TRMT1L: variants seen among roughly 807,000 people sequenced by gnomAD.
The protein encoded by TRMT1L is tRNA (guanine(27)-N(2))-dimethyltransferase.
TRMT1L carries 28 observed loss-of-function variants against 81.6 expected under a neutral mutation model. The ratio of observed to expected loss-of-function variants is 0.34; its 90% CI spans 0.25 to 0.47. TRMT1L has a LOEUF of 0.47. Among genes scored for constraint, TRMT1L ranks in the 20% least tolerant of loss-of-function variants. The probability of loss-of-function intolerance (pLI) is 1.00; values close to 1 mark genes in which losing one functional copy is unlikely to be tolerated. For synonymous variants in TRMT1L, 301 were observed against 303.2 expected (o/e 0.99, Z 0.07); for missense variants, 739 against 877.1 (o/e 0.84, Z 1.99).
intron 11 of TRMT1L, among the ~76,000 whole-genome samples, chr1:185,126,890 G>T (rs976746355): frequency 2.9e-4 from 44 of 152,128 alleles, no homozygotes; most frequent in African/African-American, 1.0e-3. Flanking sequence ...CCAGCTACTC[G>T]GGAGGCTGAG....
Position 185,134,546 on chromosome 1 carries a change from T to C in TRMT1L, c.1513+3060A>G, listed in dbSNP as rs77647456. Among the ~76,000 whole-genome samples the C allele has an allele frequency of 5.7e-3, 875 of 152,360 alleles. 3 individuals are homozygous for C. The highest frequency in any genetic ancestry group is 0.013 in the South Asian group (61 of 4,830). ...AAAAATTCTGAATGAGATGACTTCT[T>C]TGTAGGACATACTTGTTTATTCTAA... On this transcript the variant is annotated intron_variant, in intron 10 of 14. Transcript: ENST00000367506.
In TRMT1L at chr1:185,137,816, G is replaced by A. The variant is rs1213336430; in HGVS notation, c.1323-20C>T. 1.2e-6 allele frequency: 2 copies of A among 1,609,424 alleles called. No homozygotes were observed. Among genetic ancestry groups the A allele is most frequent in the East Asian group, 4.5e-5 (2 of 44,790 alleles). On this transcript the variant is annotated intron_variant, in intron 9 of 14. Transcript: ENST00000367506. ...GCAGCTCTACAATAAATTTTTTCAAGTTATTTTGTGGGCTTATCATTTTCC... is the reference window on the plus strand; with the variant it reads ...GCAGCTCTACAATAAATTTTTTCAAATTATTTTGTGGGCTTATCATTTTCC...
intron 1 of TRMT1L, among the ~76,000 whole-genome samples, chr1:185,155,561 A>G (rs911604214): frequency 3.9e-5 from 6 of 152,224 alleles, no homozygotes; most frequent in Non-Finnish European, 7.3e-5. Flanking sequence ...ATTAAACTCA[A>G]AACTGGCCTA....
intron 1 of TRMT1L, among the ~76,000 whole-genome samples, chr1:185,153,340 G>A (rs185356163): frequency 1.3e-5 from 2 of 152,284 alleles, no homozygotes; most frequent in East Asian, 3.9e-4. Flanking sequence ...TGGTAGTGAG[G>A]TATGAGAGAT....
At chr1:185,153,161 A>C (rs1487789118) in intron 1 of TRMT1L, among the ~76,000 whole-genome samples, 2 of 152,194 alleles carry the variant, frequency 1.3e-5, no homozygotes, top group Admixed American at 1.3e-4. Flanking sequence ...TTGTCCCACT[A>C]ATGCATTTTC....
At chr1:185,144,437 A>G (rs2102250624) in intron 5 of TRMT1L, among the ~76,000 whole-genome samples, 1 of 152,132 alleles carries the variant, frequency 6.6e-6, no homozygotes, top group East Asian at 1.9e-4. Flanking sequence ...TTGTTAGAAA[A>G]TGAGTAACTC....
chr1:185,156,670 C>A lies in TRMT1L; in HGVS notation c.43G>T (p.Glu15Ter). Residue 15 changes from glutamate (E) to a stop codon, truncating the protein, a stop_gained, in exon 1 of 15, where the codon GAG (glutamate) becomes TAG (stop). Coordinates refer to ENST00000367506, the MANE Select transcript of TRMT1L (RefSeq NM_030934.5). LOFTEE classifies it high-confidence loss of function. Reference protein sequence around the residue: ...AEEELLPLEKEEVEVAQVQVP... With the variant: ...AEEELLPLEK ...TGGACCTGGGCCACCTCCACCTCCT[C>A]CTTCTCCAGGGGCAGCAGCTCCTCC... is the stretch of plus-strand genomic sequence containing the variant. 1 of 1,612,178 alleles carries A rather than the reference C, an allele frequency of 6.2e-7. No homozygotes were observed. Among genetic ancestry groups the A allele is most frequent in the Non-Finnish European group, 8.5e-7 (1 of 1,179,594 alleles).
rs1422469209 is a variant in TRMT1L at position 185,119,058 on chromosome 1, A to G, written c.*961T>C. 1 of 151,848 alleles carries G rather than the reference A, an allele frequency of 6.6e-6. No individual in the cohort carries two copies. Among genetic ancestry groups the G allele is most frequent in the African/African-American group, 2.4e-5 (1 of 41,386 alleles). The allele number at this position is 151,848 out of a possible 1,614,324, so 9.4% of individuals were successfully genotyped here. A position where few individuals can be genotyped will look rare whatever the true frequency, so the allele number is the denominator to read the frequency against. On this transcript the variant is annotated 3_prime_UTR_variant, in exon 15 of 15. Transcript: ENST00000367506. ...TTAAGGAAACAATATTTTTTTTTTC[A>G]ACTAATTTTTATAGTTACATCAGCC...
Position 185,151,857 on chromosome 1 carries a change from G to C in TRMT1L, c.314C>G (p.Ala105Gly), listed in dbSNP as rs1392881773. ...AFVTDGNFDS[A>G]SSLNSDNLDA... The stretch of plus-strand genomic sequence containing the variant: ...AAGATTATCTGAGTTCAATGAGCTG[G>C]CAGAGTCAAAATTTCCATCAGTTAC... The change falls in exon 2 of 15, where the codon GCC becomes GGC. Residue 105 changes from alanine to glycine, a missense_variant. Ala to Gly is a moderately conservative substitution (Grantham distance 60, BLOSUM62 0). This residue lies in a region of TRMT1L where 209 missense variants were observed against 165.4 expected (regional missense o/e 1.26). Coordinates refer to ENST00000367506, the MANE Select transcript of TRMT1L (RefSeq NM_030934.5). The C allele has an allele frequency of 6.3e-7, 1 of 1,599,334 alleles. No homozygotes were observed. Among genetic ancestry groups the C allele is most frequent in the Non-Finnish European group, 8.5e-7 (1 of 1,173,868 alleles).
intron 13 of TRMT1L, 97 bp from the exon 14 acceptor site, chr1:185,120,606 T>A: frequency 9.0e-7 from 1 of 1,108,578 alleles, no homozygotes; most frequent in Non-Finnish European, 1.2e-6. Flanking sequence ...TCCTGACACA[T>A]TATTTCAACC....
At chr1:185,151,084 G>C (rs574926093) in intron 2 of TRMT1L, among the ~76,000 whole-genome samples, 16 of 152,206 alleles carry the variant, frequency 1.1e-4, no homozygotes, top group African/African-American at 3.6e-4. Context: ...TTCTCAAAAA[G>C]ATTATGTATC....
At chr1:185,142,648 T>C (rs559707523) in intron 7 of TRMT1L, among the ~76,000 whole-genome samples, 85 of 144,756 alleles carry the variant, frequency 5.9e-4, no homozygotes, top group African/African-American at 2.2e-3. Context: ...ACAAGTATTA[T>C]TGCAAAAAAA....
intron 10 of TRMT1L, among the ~76,000 whole-genome samples, chr1:185,129,351 T>C (rs908442050): frequency 6.6e-6 from 1 of 152,248 alleles, no homozygotes; most frequent in Non-Finnish European, 1.5e-5. Flanking sequence ...TTGATTCATA[T>C]TCAGCCTTCA....
At chr1:185,142,459 G>A (rs1369736904) in intron 7 of TRMT1L, among the ~76,000 whole-genome samples, 1 of 151,962 alleles carries the variant, frequency 6.6e-6, no homozygotes, top group African/African-American at 2.4e-5. Context: ...TGGGTACGGA[G>A]GCTTTTTAGA....
intron 5 of TRMT1L, 139 bp from the exon 6 acceptor site, chr1:185,144,168 G>A: frequency 1.0e-6 from 1 of 978,270 alleles, no homozygotes. Flanking sequence ...ATTATTTTGT[G>A]TTAATGCAAA....
chr1:185,139,430 T>C lies in TRMT1L; in HGVS notation c.1259A>G (p.Asn420Ser). The change falls in exon 9 of 15, where the codon AAC (asparagine) becomes AGC (serine). Residue 420 changes from asparagine (N) to serine (S), a missense_variant. Around this residue, in one of 4 missense-constraint regions of TRMT1L, gnomAD observed 331 missense variants for 462.2 expected, o/e 0.72. Coordinates refer to ENST00000367506, the MANE Select transcript of TRMT1L (RefSeq NM_030934.5). ...QHVARRHYGCNIVRTEYYKEL... is the reference protein window; with the variant it reads ...QHVARRHYGCSIVRTEYYKEL... ...CTTGTAATATTCAGTTCGGACAATG[T>C]TACATCCGTAGTGACGCCGGGCAAC... 6.2e-7 allele frequency: 1 copy of C among 1,614,138 alleles called. No individual in the cohort carries two copies. The highest frequency in any genetic ancestry group is 1.1e-5 in the South Asian group (1 of 91,074).
In TRMT1L at chr1:185,147,212, T is replaced by G; in HGVS notation, c.495A>C (p.Arg165=). 6.2e-7 allele frequency: 1 copy of G among 1,611,006 alleles called. No homozygotes were observed. Among genetic ancestry groups the G allele is most frequent in the Non-Finnish European group, 8.5e-7 (1 of 1,178,040 alleles). ...YRMCICHLPC[R]PVKPNIIGEQ... ...CTCCAATAATGTTTGGTTTCACTGG[T>G]CGACAAGGTAAGTGACAGATGCACA... Residue 165 remains arginine, a synonymous_variant, in exon 4 of 15, where the codon CGA becomes CGC. Transcript: ENST00000367506.
chr1:185,155,853 G>C (rs572790875), intron 1 of TRMT1L, among the ~76,000 whole-genome samples: 9 of 152,338 alleles, frequency 5.9e-5, no homozygotes, highest in African/African-American at 2.2e-4. Context: ...TGATGGAATG[G>C]AGTACAAAAC....
At chr1:185,123,541 T>G (rs1421207663) in intron 13 of TRMT1L, among the ~76,000 whole-genome samples, 1 of 152,096 alleles carries the variant, frequency 6.6e-6, no homozygotes, top group Non-Finnish European at 1.5e-5. Context: ...AGAATTAGAA[T>G]AAAATTTTAT....
Sources: allele counts gnomAD v4.1 joint callset (sites outside exome capture counted in the v4.1 genomes callset), GRCh38; gene constraint gnomAD v4.1.1; regional missense constraint gnomAD v4.1.1; transcripts MANE v1.5; gene names NCBI Gene and HGNC (gene_info 2026-07-23, HGNC 2026-07-21).